Variants in PDE4D observed in about 807,000 individuals in gnomAD.
PDE4D encodes phosphodiesterase 4D.
A neutral mutation model predicts 87.4 loss-of-function variants in PDE4D; 24 were observed. The observed-to-expected ratio is 0.27, with a 90% confidence interval of 0.20 to 0.39. The LOEUF (loss-of-function observed/expected upper bound fraction) is 0.39. PDE4D is among the 10% of genes least tolerant of loss of function. The pLI, the probability that PDE4D is intolerant of heterozygous loss-of-function variation, is 1.00. For missense variants in PDE4D, 714 were observed against 1,041.0 expected, an observed-to-expected ratio of 0.69 and a Z score of 4.32; for synonymous variants, 384 against 383.2, an observed-to-expected ratio of 1.00 and a Z score of -0.02.
At chr5:59,120,184 C>T (rs1478035438) in intron 5 of PDE4D, among the ~76,000 whole-genome samples, 1 of 152,108 alleles carries the variant, frequency 6.6e-6, no homozygotes, top group Non-Finnish European at 1.5e-5. Context: ...GTTAAAAATG[C>T]AAATTGAAAT....
chr5:59,778,975 G>T (rs1425943193), intron 1 of PDE4D, among the ~76,000 whole-genome samples: 1 of 152,028 alleles, frequency 6.6e-6, no homozygotes, highest in Non-Finnish European at 1.5e-5. Context: ...GACCAAACTG[G>T]CCAACACAAT....
chr5:59,739,438 GCAA>G (rs1423108108), intron 1 of PDE4D, among the ~76,000 whole-genome samples: 1 of 151,774 alleles, frequency 6.6e-6, no homozygotes, highest in African/African-American at 2.4e-5. Context: ...AACAACAACA[GCAA>G]CAACAACAAA....
chr5:59,801,936 G>T (rs974607605), intron 1 of PDE4D, among the ~76,000 whole-genome samples: 1 of 152,066 alleles, frequency 6.6e-6, no homozygotes, highest in African/African-American at 2.4e-5. Flanking sequence ...TTTGTGCAAC[G>T]TGCAAATGAC....
intron 1 of PDE4D, chr5:59,558,819 C>G (rs748211321): frequency 9.2e-5 from 14 of 152,138 alleles, no homozygotes; most frequent in Non-Finnish European, 1.8e-4. Flanking sequence ...CTTAAGGAAA[C>G]TAACTTTCAC....
rs1417660387 is a variant in PDE4D, at chr5:58,973,379, T to TAAAGC, written c.*1280_*1284dup. On this transcript the variant is annotated 3_prime_UTR_variant, in exon 15 of 15. Transcript: ENST00000340635. Reference sequence around the variant, plus strand: ...TAAGGTTCAGACACACGCTAAATTATAAAGCAGCACAAGGGGAAAAACCTT... The same window carrying TAAAGC: ...TAAGGTTCAGACACACGCTAAATTATAAAGCAAAGCAGCACAAGGGGAAAAACCTT... 1 of 152,142 alleles carries TAAAGC rather than the reference T, an allele frequency of 6.6e-6. No homozygotes were observed. The highest frequency in any genetic ancestry group is 1.9e-4 in the East Asian group (1 of 5,204). The allele number at this position is 152,142 out of a possible 1,614,324, so 9.4% of individuals were successfully genotyped here. A position where few individuals can be genotyped will look rare whatever the true frequency, so the allele number is the denominator to read the frequency against.
chr5:60,062,304 G>GA (rs1014306120), intron 2 of PDE4D, among the ~76,000 whole-genome samples: 5 of 151,674 alleles, frequency 3.3e-5, no homozygotes, highest in Non-Finnish European at 2.9e-5. Context: ...ACAAACATAT[G>GA]AAAAAAAAGC....
chr5:60,414,591 C>G (rs1742326213), intron 1 of PDE4D, among the ~76,000 whole-genome samples: 1 of 152,174 alleles, frequency 6.6e-6, no homozygotes, highest in Non-Finnish European at 1.5e-5. Flanking sequence ...AAAGAAAAGA[C>G]AGAATATGCA....
intron 2 of PDE4D, among the ~76,000 whole-genome samples, chr5:60,045,282 G>A (rs1769075235): frequency 1.3e-5 from 2 of 151,782 alleles, no homozygotes; most frequent in South Asian, 4.2e-4. Context: ...AGATGAGTAG[G>A]TTGTGAAAAT....
chr5:59,612,017 A>AT (rs1332957876), intron 1 of PDE4D, among the ~76,000 whole-genome samples: 2 of 152,100 alleles, frequency 1.3e-5, no homozygotes, highest in African/African-American at 4.8e-5. Context: ...AGAAACTATG[A>AT]TTTTGTCTCT....
chr5:60,096,161 CT>C (rs1376449019), intron 2 of PDE4D, among the ~76,000 whole-genome samples: 1 of 152,070 alleles, frequency 6.6e-6, no homozygotes, highest in Non-Finnish European at 1.5e-5. Context: ...GTTATGAAGC[CT>C]TTGCCCATGC....
chr5:60,259,406 A>T (rs938768712), intron 1 of PDE4D, among the ~76,000 whole-genome samples: 3 of 152,094 alleles, frequency 2.0e-5, no homozygotes, highest in African/African-American at 7.2e-5. Flanking sequence ...ATAATTTCAC[A>T]TTATCAGACA....
intron 3 of PDE4D, among the ~76,000 whole-genome samples, chr5:59,191,633 A>ATCTT (rs925221389): frequency 1.5e-4 from 23 of 151,712 alleles, no homozygotes; most frequent in Non-Finnish European, 3.4e-4. Flanking sequence ...CAGTGGCATG[A>ATCTT]TCTTGGCTCA....
At chr5:59,137,904 T>C (rs1777349680) in intron 5 of PDE4D, among the ~76,000 whole-genome samples, 1 of 152,256 alleles carries the variant, frequency 6.6e-6, no homozygotes, top group African/African-American at 2.4e-5. Context: ...GTAATTTATA[T>C]GCTTCTGACA....
intron 1 of PDE4D, among the ~76,000 whole-genome samples, chr5:60,443,160 A>T (rs2150137088): frequency 6.6e-6 from 1 of 152,260 alleles, no homozygotes; most frequent in East Asian, 1.9e-4. Flanking sequence ...GGTGAAGAAA[A>T]ATGAAAACTG....
chr5:60,408,230 C>A lies in PDE4D; in HGVS notation c.-90+79712G>T, dbSNP rs151325050. Among the ~76,000 whole-genome samples the A allele has an allele frequency of 3.7e-3, 560 of 152,208 alleles. 3 individuals are homozygous for A. The highest frequency in any genetic ancestry group is 0.012 in the African/African-American group (494 of 41,520). The stretch of plus-strand genomic sequence containing the variant: ...TGACTTCTTGACCTGTAGCTTCCTG[C>A]GTGAGCATAAAAAAAATGGTTGTTC... On this transcript the variant is annotated intron_variant, in intron 1 of 16. Coordinates refer to the PDE4D transcript ENST00000502484.
At chr5:60,054,567 A>C (rs927283430) in intron 2 of PDE4D, among the ~76,000 whole-genome samples, 2 of 152,076 alleles carry the variant, frequency 1.3e-5, no homozygotes, top group Non-Finnish European at 2.9e-5. Context: ...CATTAGGAGA[A>C]ATACCTAATG....
intron 1 of PDE4D, among the ~76,000 whole-genome samples, chr5:59,326,176 G>A (rs1361952454): frequency 6.6e-6 from 1 of 151,972 alleles, no homozygotes; most frequent in East Asian, 1.9e-4. Context: ...TAGATGACGA[G>A]TTAATGGGTG....
chr5:59,306,156 C>A (rs1046046360), intron 1 of PDE4D, among the ~76,000 whole-genome samples: 1 of 152,284 alleles, frequency 6.6e-6, no homozygotes, highest in Non-Finnish European at 1.5e-5. Context: ...CTCTTTGTCT[C>A]TTTTAACTGC....
At chr5:59,848,089 T>C (rs73761009) in intron 1 of PDE4D, among the ~76,000 whole-genome samples, 1,547 of 152,148 alleles carry the variant, frequency 0.01, 33 homozygotes, top group African/African-American at 0.035. Context: ...TGAACATGTT[T>C]TTGACGATAA....
Sources: allele counts gnomAD v4.1 joint callset (sites outside exome capture counted in the v4.1 genomes callset), GRCh38; gene constraint gnomAD v4.1.1; transcripts MANE v1.5; gene names NCBI Gene and HGNC (gene_info 2026-07-23, HGNC 2026-07-21).